The following HERC5 variants were observed in gnomAD, a reference collection of about 807,000 sequenced individuals.
HERC5 encodes the protein HECT and RLD domain containing E3 ubiquitin protein ligase 5.
Under a neutral mutation model 119.6 loss-of-function variants are expected in HERC5, and 99 were observed. The ratio of observed to expected loss-of-function variants is 0.83; its 90% CI spans 0.70 to 0.98. The LOEUF (loss-of-function observed/expected upper bound fraction) is 0.98, where lower values mean the gene tolerates loss of function less well. HERC5 is among the 50% of genes least tolerant of loss of function. The pLI is 0.00. For missense variants in HERC5, 1,267 were observed against 1,241.3 expected (o/e 1.02, Z -0.31); for synonymous variants, 478 against 445.9 (o/e 1.07, Z -0.91).
chr4:88,483,592 G>C (rs558584102), intron 13 of HERC5, among the ~76,000 whole-genome samples: 3 of 143,556 alleles, frequency 2.1e-5, no homozygotes, highest in Admixed American at 7.3e-5. Context: ...GCAGTGGCAC[G>C]ATCTTGGCTT....
At chr4:88,484,764 C>G (rs570325007) in intron 13 of HERC5, among the ~76,000 whole-genome samples, 15 of 152,340 alleles carry the variant, frequency 9.8e-5, no homozygotes, top group African/African-American at 3.6e-4. Flanking sequence ...GGCTTTGCCT[C>G]CTTTCCCCAA....
chr4:88,467,909 C>T lies in HERC5; in HGVS notation c.1058-437C>T, dbSNP rs543792953. ...AATCTACTCATTTCTTGTAGGAAAA[C>T]GAACAGAGTTATTTCCTTAAGCAGC... is the stretch of plus-strand genomic sequence containing the variant. On this transcript the variant is annotated intron_variant, in intron 7 of 22. Coordinates refer to ENST00000264350, the MANE Select transcript of HERC5 (RefSeq NM_016323.4). 1.5e-5 allele frequency: 15 copies of T among 981,678 alleles called. No individual in the cohort carries two copies. The East Asian group carries it at 7.9e-4, about 52-fold the overall frequency. The allele number at this position is 981,678 out of a possible 1,614,324, so 60.8% of individuals were successfully genotyped here.
intron 12 of HERC5, among the ~76,000 whole-genome samples, chr4:88,477,748 G>C (rs1741136341): frequency 6.6e-6 from 1 of 152,186 alleles, no homozygotes; most frequent in African/African-American, 2.4e-5. Context: ...CATGAATAGA[G>C]TTTAATGGGA....
intron 16 of HERC5, among the ~76,000 whole-genome samples, chr4:88,491,036 A>G (rs1741619232): frequency 6.6e-6 from 1 of 152,100 alleles, no homozygotes; most frequent in Non-Finnish European, 1.5e-5. Context: ...AGCATTTACC[A>G]TTTGCAGGCT....
Position 88,500,906 on chromosome 4 carries a change from C to G in HERC5, c.2512-9C>G. The G allele has an allele frequency of 6.2e-7, 1 of 1,601,284 alleles. No homozygotes were observed. The highest frequency in any genetic ancestry group is 8.5e-7 in the Non-Finnish European group (1 of 1,171,818). On this transcript the variant is annotated splice_polypyrimidine_tract_variant and intron_variant, in intron 19 of 22. Coordinates refer to ENST00000264350, the MANE Select transcript of HERC5 (RefSeq NM_016323.4). ...TGGAGATATTATCTGAGTTCATTTG[C>G]GGTTACAGGTGCACTGGGACAGAAA...
intron 7 of HERC5, 143 bp downstream of exon 7, chr4:88,467,347 C>T: frequency 1.3e-6 from 1 of 757,022 alleles, no homozygotes; most frequent in Non-Finnish European, 2.1e-6. Flanking sequence ...TACTGGTAAA[C>T]AATTCAAGAG....
Position 88,499,993 on chromosome 4 carries a change from G to C in HERC5, c.2511+1G>C. Reference sequence around the variant, plus strand: ...GGAAGTATTTTACATCCATTTTAATGTGAGTAACAATAAAAGCAGATAACA... The same window carrying C: ...GGAAGTATTTTACATCCATTTTAATCTGAGTAACAATAAAAGCAGATAACA... On this transcript the variant is annotated splice_donor_variant, in intron 19 of 22. Transcript: ENST00000264350. LOFTEE classifies it high-confidence loss of function. 6.3e-7 allele frequency: 1 copy of C among 1,575,212 alleles called. No individual in the cohort carries two copies. The highest frequency in any genetic ancestry group is 8.7e-7 in the Non-Finnish European group (1 of 1,145,084).
At chr4:88,479,265 A>G in intron 12 of HERC5, 88 bp from the exon 13 acceptor site, 1 of 1,090,334 alleles carries the variant, frequency 9.2e-7, no homozygotes, top group Non-Finnish European at 1.3e-6. Flanking sequence ...AGGCTGGGCA[A>G]CAGGGTGAGA....
At chr4:88,457,825 T>C in intron 1 of HERC5, 1 of 826,240 alleles carries the variant, frequency 1.2e-6, no homozygotes. Flanking sequence ...AGTCTGGCTT[T>C]CTCATAGGTT....
At chr4:88,490,772 G>C (rs952970800) in intron 16 of HERC5, among the ~76,000 whole-genome samples, 1 of 152,156 alleles carries the variant, frequency 6.6e-6, no homozygotes, top group East Asian at 1.9e-4. Context: ...TTGAACCCAG[G>C]AGGTGGAGGT....
At chr4:88,467,433 TAA>T (rs886826039) in intron 7 of HERC5, among the ~76,000 whole-genome samples, 15 of 152,358 alleles carry the variant, frequency 9.8e-5, no homozygotes, top group African/African-American at 3.1e-4. Flanking sequence ...ATTTAAATGA[TAA>T]AATAGACAAT....
chr4:88,483,065 C>T (rs1018837836), intron 13 of HERC5, among the ~76,000 whole-genome samples: 14 of 152,018 alleles, frequency 9.2e-5, no homozygotes, highest in African/African-American at 3.4e-4. Context: ...CTTTGTCTTG[C>T]TCTAGGTAGG....
intron 14 of HERC5, among the ~76,000 whole-genome samples, chr4:88,486,793 A>G (rs1349938976): frequency 1.3e-5 from 2 of 152,208 alleles, no homozygotes; most frequent in African/African-American, 2.4e-5. Context: ...TTCACATGGT[A>G]GAAACTCAGG....
In HERC5 at chr4:88,493,089, G is replaced by A; in HGVS notation, c.2211G>A (p.Met737Ile). Residue 737 changes from methionine to isoleucine, a missense_variant, in exon 17 of 23, where the codon ATG becomes ATA. Physicochemically the swap from Met to Ile is conservative, Grantham distance 10 (BLOSUM62 1). Around this residue, in one of 3 missense-constraint regions of HERC5, gnomAD observed 473 missense variants for 445.7 expected, o/e 1.06. Transcript: ENST00000264350. ...TCTTCTACTGTCTGTTTGCAGAGATGATCCAGCCGGAATATGGGATGTTCA... is the reference window on the plus strand; with the variant it reads ...TCTTCTACTGTCTGTTTGCAGAGATAATCCAGCCGGAATATGGGATGTTCA... ...KEFFYCLFAE[M>I]IQPEYGMFMY... is the part of the protein sequence containing the mutation. The A allele has an allele frequency of 6.2e-7, 1 of 1,614,094 alleles. No homozygotes were observed. The highest frequency in any genetic ancestry group is 8.5e-7 in the Non-Finnish European group (1 of 1,179,990).
Position 88,505,753 on chromosome 4 carries a change from A to C in HERC5, c.2950A>C (p.Asn984His). 1 of 1,607,074 alleles carries C rather than the reference A, an allele frequency of 6.2e-7. No homozygotes were observed. Among genetic ancestry groups the C allele is most frequent in the Non-Finnish European group, 8.5e-7 (1 of 1,173,710 alleles). The change falls in exon 23 of 23, where the codon AAT (asparagine) becomes CAT (histidine). Residue 984 changes from asparagine to histidine, a missense_variant. By Grantham distance (68) the Asn-to-His change is moderately conservative. Coordinates refer to ENST00000264350, the MANE Select transcript of HERC5 (RefSeq NM_016323.4). Reference sequence around the variant, plus strand: ...AACATTTTGCTGTCCTGAAAGTTGGAATGAAAGAGACCCTATAAGAGCACT... The same window carrying C: ...AACATTTTGCTGTCCTGAAAGTTGGCATGAAAGAGACCCTATAAGAGCACT... Reference protein sequence around the residue: ...KITFCCPESWNERDPIRALTC... With the variant: ...KITFCCPESWHERDPIRALTC...
At chr4:88,495,021 C>G (rs1041821915) in intron 18 of HERC5, among the ~76,000 whole-genome samples, 8 of 152,172 alleles carry the variant, frequency 5.3e-5, no homozygotes, top group South Asian at 2.1e-4. Context: ...TTTCAGAGAA[C>G]AGTGTGGCAG....
chr4:88,498,098 G>A (rs1477871459), intron 18 of HERC5, among the ~76,000 whole-genome samples: 1 of 152,194 alleles, frequency 6.6e-6, no homozygotes, highest in Non-Finnish European at 1.5e-5. Flanking sequence ...AAGCTGTGGG[G>A]CCTTGGCTTC....
chr4:88,482,820 G>A (rs1578056788), intron 13 of HERC5, among the ~76,000 whole-genome samples: 2 of 151,978 alleles, frequency 1.3e-5, no homozygotes, highest in South Asian at 4.1e-4. Flanking sequence ...TTGTAGAGAC[G>A]AGGTTTCACC....
At chr4:88,466,972 A>G (rs1740690473) in intron 6 of HERC5, 87 bp from the exon 7 acceptor site, 1 of 1,292,830 alleles carries the variant, frequency 7.7e-7, no homozygotes, top group Middle Eastern at 1.9e-4. Flanking sequence ...TCACTGGGTA[A>G]CATAGTTTTG....
Sources: gnomAD v4.1 joint callset for allele counts (sites outside exome capture counted in the v4.1 genomes callset) on GRCh38, gnomAD v4.1.1 for gene constraint, gnomAD v4.1.1 regional missense constraint, MANE v1.5 for transcripts, NCBI Gene and HGNC (gene_info 2026-07-23, HGNC 2026-07-21) for gene names.